EP400: variants seen among roughly 807,000 people sequenced by gnomAD.
EP400 encodes E1A binding protein p400.
EP400 carries 105 observed loss-of-function variants against 354.1 expected under a neutral mutation model. The ratio of observed to expected loss-of-function variants is 0.30; its 90% confidence interval spans 0.25 to 0.35. The LOEUF is 0.35. Among genes scored for constraint, EP400 ranks in the 10% least tolerant of loss-of-function variants. The probability of loss-of-function intolerance (pLI) is 1.00; values close to 1 mark genes in which losing one functional copy is unlikely to be tolerated. For synonymous variants in EP400, 1,646 were observed against 1,716.9 expected, an observed-to-expected ratio of 0.96 and a Z score of 1.02; for missense variants, 3,280 against 4,121.0, an observed-to-expected ratio of 0.80 and a Z score of 5.59.
chr12:131,990,754 T>TA lies in EP400; in HGVS notation c.2629+41dup. Reference sequence around the variant, plus strand: ...AAAAAGGCTCACCACGCTTGGGTGGTATTTTGTTCGGATTCTTTTCTCAGC... The same window carrying TA: ...AAAAAGGCTCACCACGCTTGGGTGGTAATTTTGTTCGGATTCTTTTCTCAGC... On this transcript the variant is annotated intron_variant, in intron 9 of 52. Transcript: ENST00000389561. The surrounding 1 kb of genome is among the most constrained non-coding windows in gnomAD (Gnocchi z 4.2). 6.8e-7 allele frequency: 1 copy of TA among 1,481,022 alleles called. No individual in the cohort carries two copies. The highest frequency in any genetic ancestry group is 1.2e-5 in the South Asian group (1 of 84,290). 91.7% of individuals were successfully genotyped at this position (1,481,022 alleles called of 1,614,324 possible).
intron 47 of EP400, among the ~76,000 whole-genome samples, chr12:132,063,336 A>AT (rs1259711209): frequency 1.3e-5 from 2 of 152,206 alleles, no homozygotes; most frequent in Admixed American, 6.5e-5. Context: ...AACATGGCAA[A>AT]TCCCCGTCTC....
At chr12:132,077,230 G>A (rs2136628517) in intron 52 of EP400, among the ~76,000 whole-genome samples, 171 bp from the exon 53 acceptor site, 1 of 152,300 alleles carries the variant, frequency 6.6e-6, no homozygotes, top group Admixed American at 6.5e-5. Context: ...TTCCACTTGT[G>A]TTTAATTGGA....
chr12:131,956,113 C>T (rs748694492), intron 1 of EP400, among the ~76,000 whole-genome samples: 1 of 152,194 alleles, frequency 6.6e-6, no homozygotes, highest in Non-Finnish European at 1.5e-5. Context: ...CCACCATTCT[C>T]CTTGTCCGGA....
chr12:132,036,514 G>C (rs1038435734), intron 30 of EP400, among the ~76,000 whole-genome samples: 1 of 152,232 alleles, frequency 6.6e-6, no homozygotes, highest in Non-Finnish European at 1.5e-5. Flanking sequence ...CTGCTGGGGC[G>C]GGGGGCAGGA....
chr12:131,975,620 C>T (rs1032150792), intron 2 of EP400, among the ~76,000 whole-genome samples: 3 of 151,836 alleles, frequency 2.0e-5, no homozygotes, highest in Non-Finnish European at 2.9e-5. Flanking sequence ...AGTGTGGTGG[C>T]GTTCTTTCGG....
intron 45 of EP400, among the ~76,000 whole-genome samples, chr12:132,060,418 G>A (rs1011855736): frequency 1.3e-5 from 2 of 152,182 alleles, no homozygotes; most frequent in African/African-American, 4.8e-5. Flanking sequence ...CCCAGTCAAG[G>A]ATGAGAAAAA....
chr12:131,956,032 C>T (rs563553263), intron 1 of EP400, among the ~76,000 whole-genome samples: 5 of 152,204 alleles, frequency 3.3e-5, no homozygotes, highest in Non-Finnish European at 7.3e-5. Flanking sequence ...TTCCCCATTT[C>T]CTCATGCATC....
Position 131,949,999 on chromosome 12 carries a change from C to T in EP400, c.-73C>T, listed in dbSNP as rs373293270. 1 of 151,948 alleles carries T rather than the reference C, an allele frequency of 6.6e-6. No individual in the cohort carries two copies. The highest frequency in any genetic ancestry group is 1.9e-4 in the East Asian group (1 of 5,168). The allele number at this position is 151,948 out of a possible 1,614,324, so 9.4% of individuals were successfully genotyped here. On this transcript the variant is annotated 5_prime_UTR_variant, in exon 1 of 53. Coordinates refer to ENST00000389561, the MANE Select transcript of EP400 (RefSeq NM_015409.5). ...TGCGGCGCGGCTTCCATCCTCCCGC[C>T]CTCCTGACGCGGCCGGAGCGCAGCC...
At chr12:132,023,628 A>G (rs929210334) in intron 23 of EP400, 149 bp from the exon 24 acceptor site, 87 of 548,616 alleles carry the variant, frequency 1.6e-4, no homozygotes, top group Admixed American at 3.7e-4. Flanking sequence ...ATTTTTAAGA[A>G]GTGGTAGAAA....
At chr12:132,002,640 T>C (rs1257502100) in intron 12 of EP400, among the ~76,000 whole-genome samples, 1 of 152,242 alleles carries the variant, frequency 6.6e-6, no homozygotes, top group African/African-American at 2.4e-5. Flanking sequence ...CCTCCTGACC[T>C]GGGGCTGGTG....
intron 51 of EP400, among the ~76,000 whole-genome samples, 161 bp downstream of exon 51, chr12:132,069,802 G>A (rs984400600): frequency 1.3e-5 from 2 of 152,156 alleles, no homozygotes; most frequent in Admixed American, 6.5e-5. Flanking sequence ...AACCCCTCTG[G>A]CTCCTGGGAA....
chr12:132,023,307 T>C (rs939089930), intron 23 of EP400, among the ~76,000 whole-genome samples: 1 of 136,942 alleles, frequency 7.3e-6, no homozygotes, highest in Non-Finnish European at 1.6e-5. Context: ...TAATTTTTTT[T>C]TTTTTTTTTT....
In EP400 at chr12:132,079,349, C is replaced by G. The variant is rs536240843; in HGVS notation, c.*1676C>G. 6.6e-6 allele frequency: 1 copy of G among 152,272 alleles called. No homozygotes were observed. Among genetic ancestry groups the G allele is most frequent in the East Asian group, 1.9e-4 (1 of 5,208 alleles). The allele number at this position is 152,272 out of a possible 1,614,324, so 9.4% of individuals were successfully genotyped here. A position where few individuals can be genotyped will look rare whatever the true frequency, so the allele number is the denominator to read the frequency against. ...TGGAATCTGTTTGTTCTAACCAACC[C>G]GTTCTCCCTGGCTTGGCACGTGCCG... On this transcript the variant is annotated 3_prime_UTR_variant, in exon 53 of 53. Transcript: ENST00000389561.
At chr12:131,983,544 G>A (rs78955255) in intron 5 of EP400, among the ~76,000 whole-genome samples, 5,260 of 152,356 alleles carry the variant, frequency 0.035, 300 homozygotes, top group African/African-American at 0.12. Context: ...AGGCCGGGGA[G>A]GACTCTCAGC....
At chr12:132,058,740 TATGTAGAATTGATTAGAGTAGA>T (rs1895597145) in intron 45 of EP400, among the ~76,000 whole-genome samples, 1 of 151,962 alleles carries the variant, frequency 6.6e-6, no homozygotes, top group Admixed American at 6.6e-5. Context: ...TGCTCCTACG[TATGTAGAATTGATTAGAGTAGA>T]AGAGGCTAAG....
In EP400 at chr12:132,025,235, C is replaced by T. The variant is rs374650390; in HGVS notation, c.4856-411C>T. On this transcript the variant is annotated intron_variant, in intron 24 of 52. Transcript: ENST00000389561. This position sits in a 1 kb window ranked among gnomAD's most constrained non-coding sequence, Gnocchi z 4.1. ...CACACAAGATCCAAAGTGGCAGCCTCGTTAAACAGCAGCAGAAAAGCCACA... is the reference window on the plus strand; with the variant it reads ...CACACAAGATCCAAAGTGGCAGCCTTGTTAAACAGCAGCAGAAAAGCCACA... Among the ~76,000 whole-genome samples the T allele has an allele frequency of 3.0e-4, 45 of 152,254 alleles. No individual in the cohort carries two copies. The East Asian group carries it at 4.4e-3, about 15-fold the overall frequency.
At position 132,038,537 on chromosome 12, in the gene EP400, G is replaced by A. The variant is rs1186025032; in HGVS notation, c.6207+441G>A. Among the ~76,000 whole-genome samples the A allele has an allele frequency of 6.6e-6, 1 of 152,248 alleles. No individual in the cohort carries two copies. Among genetic ancestry groups the A allele is most frequent in the East Asian group, 1.9e-4 (1 of 5,198 alleles). On this transcript the variant is annotated intron_variant, in intron 32 of 52. Transcript: ENST00000389561. This position sits in a 1 kb window ranked among gnomAD's most constrained non-coding sequence, Gnocchi z 4.2. Reference sequence around the variant, plus strand: ...AAGGTGCTGGTTGATTGCAAAGACTGAGTATAAGAAAGAACACAGACTATC... The same window carrying A: ...AAGGTGCTGGTTGATTGCAAAGACTAAGTATAAGAAAGAACACAGACTATC...
Position 132,031,986 on chromosome 12 carries a change from A to T in EP400, c.5788A>T (p.Ile1930Phe). The T allele has an allele frequency of 6.2e-7, 1 of 1,613,180 alleles. No homozygotes were observed. Among genetic ancestry groups the T allele is most frequent in the Non-Finnish European group, 8.5e-7 (1 of 1,179,360 alleles). Residue 1930 changes from isoleucine (I) to phenylalanine (F), a missense_variant, in exon 30 of 53, where the codon ATT becomes TTT. Transcript: ENST00000389561. The part of the protein sequence containing the change: ...LMRSFNRDRR[I>F]FCAILSTHSR... ...GAGGAGTTTCAACAGAGACAGGCGG[A>T]TTTTTTGTGCCATTCTCTCCACTCA...
At chr12:131,974,496 C>T (rs1892401034) in intron 2 of EP400, among the ~76,000 whole-genome samples, 1 of 152,180 alleles carries the variant, frequency 6.6e-6, no homozygotes, top group African/African-American at 2.4e-5. Context: ...GTCTTAATTT[C>T]TACCTTCAGA....
Sources: allele counts gnomAD v4.1 joint callset (sites outside exome capture counted in the v4.1 genomes callset), GRCh38; gene constraint gnomAD v4.1.1; non-coding constraint Gnocchi (gnomAD v3.1); transcripts MANE v1.5; gene names NCBI Gene and HGNC (gene_info 2026-07-23, HGNC 2026-07-21).